CNOT2: variants seen among roughly 807,000 people sequenced by gnomAD.
The protein encoded by CNOT2 is CCR4-NOT transcription complex subunit 2, also known as CC chemokine receptor 4-negative regulator of transcription 2.
In CNOT2, 7 loss-of-function variants were observed where a neutral mutation model predicts 72.1. The observed-to-expected ratio is 0.10, with a 90% CI of 0.06 to 0.18. The LOEUF is 0.18. Ranked by LOEUF, CNOT2 falls within the 10% of genes least tolerant of loss-of-function variation. CNOT2 has a pLI of 1.00. For synonymous variants in CNOT2, 196 were observed against 225.6 expected, an observed-to-expected ratio of 0.87 and a Z score of 1.17; for missense variants, 345 against 660.3, an observed-to-expected ratio of 0.52 and a Z score of 5.23.
intron 4 of CNOT2, among the ~76,000 whole-genome samples, chr12:70,326,044 ATTC>A (rs35928021): frequency 0.12 from 17,923 of 151,822 alleles, 1,400 homozygotes; most frequent in Non-Finnish European, 0.18. Flanking sequence ...CTTAGATCAT[ATTC>A]TTTAAGGGTT....
intron 1 of CNOT2, among the ~76,000 whole-genome samples, chr12:70,250,163 G>A (rs1958071749): frequency 6.6e-6 from 1 of 152,126 alleles, no homozygotes; most frequent in Admixed American, 6.5e-5. Context: ...GTAATCCAAT[G>A]CTTAAATGAA....
At chr12:70,344,413 T>C (rs1881904090) in intron 14 of CNOT2, 185 bp downstream of exon 14, 5 of 506,682 alleles carry the variant, frequency 9.9e-6, no homozygotes, top group African/African-American at 6.0e-5. Context: ...TCATAATCTA[T>C]ATACCTAAAA....
chr12:70,243,515 C>G (rs917154642), intron 1 of CNOT2, 35 bp downstream of exon 1: 7 of 152,394 alleles, frequency 4.6e-5, no homozygotes, highest in African/African-American at 1.7e-4. Flanking sequence ...AGTCTGGCAG[C>G]GGGGCGCGCG....
At chr12:70,324,750 A>G (rs921146434) in intron 4 of CNOT2, among the ~76,000 whole-genome samples, 8 of 151,852 alleles carry the variant, frequency 5.3e-5, no homozygotes, top group African/African-American at 1.9e-4. Flanking sequence ...TTCTTGTCTT[A>G]TACATTCTTA....
At chr12:70,304,050 C>T (rs1593181057) in intron 2 of CNOT2, among the ~76,000 whole-genome samples, 1 of 152,196 alleles carries the variant, frequency 6.6e-6, no homozygotes, top group African/African-American at 2.4e-5. Flanking sequence ...GTTTTCAGCT[C>T]CATCAGGTCC....
At chr12:70,286,162 G>A (rs1429835364) in intron 2 of CNOT2, among the ~76,000 whole-genome samples, 4 of 145,450 alleles carry the variant, frequency 2.8e-5, no homozygotes, top group Non-Finnish European at 6.1e-5. Flanking sequence ...TGACGTTAGA[G>A]AAGTTTATCT....
At chr12:70,311,610 T>C (rs542911376) in intron 3 of CNOT2, among the ~76,000 whole-genome samples, 16 of 152,126 alleles carry the variant, frequency 1.1e-4, no homozygotes, top group African/African-American at 3.4e-4. Context: ...GATAAAAGGA[T>C]TTAGAATGCA....
chr12:70,338,316 A>G, intron 9 of CNOT2, 127 bp from the exon 10 acceptor site: 1 of 768,910 alleles, frequency 1.3e-6, no homozygotes, highest in Non-Finnish European at 2.0e-6. Context: ...ATAGAACTTG[A>G]AAAACAGGTA....
intron 1 of CNOT2, among the ~76,000 whole-genome samples, chr12:70,265,048 G>A (rs1524245): frequency 0.14 from 21,907 of 151,704 alleles, 1,918 homozygotes; most frequent in Admixed American, 0.28. Flanking sequence ...CTAATATTTT[G>A]TTGAGAATTT....
At chr12:70,248,750 T>A (rs900208702) in intron 1 of CNOT2, among the ~76,000 whole-genome samples, 9 of 152,090 alleles carry the variant, frequency 5.9e-5, no homozygotes, top group Non-Finnish European at 1.3e-4. Context: ...CTGTATATGT[T>A]CCAGAGACCT....
intron 1 of CNOT2, among the ~76,000 whole-genome samples, chr12:70,251,804 A>G (rs566881464): frequency 6.0e-4 from 92 of 152,328 alleles, no homozygotes; most frequent in Non-Finnish European, 2.8e-4. Context: ...ATGAATGCCA[A>G]CTGTTCAAGA....
intron 1 of CNOT2, among the ~76,000 whole-genome samples, chr12:70,265,945 C>G (rs1326720291): frequency 6.7e-6 from 1 of 149,596 alleles, no homozygotes; most frequent in Admixed American, 6.6e-5. Context: ...TCTCATGTCA[C>G]TTTTTAGTGT....
At chr12:70,308,584 T>TCTCTCTCTCTCTCTCTCA (rs550679130) in intron 2 of CNOT2, among the ~76,000 whole-genome samples, 16 of 133,328 alleles carry the variant, frequency 1.2e-4, no homozygotes, top group African/African-American at 4.5e-4. Flanking sequence ...TCTCTCTCTC[T>TCTCTCTCTCTCTCTCTCA]CACACACACA....
intron 15 of CNOT2, among the ~76,000 whole-genome samples, chr12:70,352,769 T>A (rs1353220187): frequency 6.6e-6 from 1 of 152,214 alleles, no homozygotes; most frequent in Non-Finnish European, 1.5e-5. Context: ...TTTTCTAATA[T>A]ACATAGCTAT....
At chr12:70,245,030 A>G (rs1593007759) in intron 1 of CNOT2, among the ~76,000 whole-genome samples, 1 of 152,206 alleles carries the variant, frequency 6.6e-6, no homozygotes, top group Non-Finnish European at 1.5e-5. Flanking sequence ...ATAATTGACA[A>G]CAGTTCTTTC....
At chr12:70,244,657 T>C (rs1329889894) in intron 1 of CNOT2, among the ~76,000 whole-genome samples, 1 of 152,188 alleles carries the variant, frequency 6.6e-6, no homozygotes, top group African/African-American at 2.4e-5. Flanking sequence ...GTGCAACATA[T>C]TTTGTTTCAT....
intron 2 of CNOT2, among the ~76,000 whole-genome samples, chr12:70,290,275 G>A (rs531267379): frequency 6.6e-6 from 1 of 150,490 alleles, no homozygotes; most frequent in South Asian, 2.1e-4. Context: ...CCATGCATGT[G>A]CTAATCAGTA....
In CNOT2 at chr12:70,343,333, G is replaced by A. The variant is rs74101498; in HGVS notation, c.1291-795G>A. Among the ~76,000 whole-genome samples, 1,242 of 152,238 alleles carry A rather than the reference G, an allele frequency of 8.2e-3. 15 individuals are homozygous for A. The highest frequency in any genetic ancestry group is 0.029 in the African/African-American group (1,196 of 41,542). ...GTATTTCGATATAGGATCAAATAACGAGATAAAAATGTTGTTTTGGGACAC... is the reference window on the plus strand; with the variant it reads ...GTATTTCGATATAGGATCAAATAACAAGATAAAAATGTTGTTTTGGGACAC... On this transcript the variant is annotated intron_variant, in intron 13 of 15. Transcript: ENST00000229195.
chr12:70,271,102 TTC>T (rs1262248315), intron 1 of CNOT2, among the ~76,000 whole-genome samples: 3 of 152,184 alleles, frequency 2.0e-5, no homozygotes, highest in African/African-American at 7.2e-5. Context: ...GTCAGATTCT[TTC>T]TGTTTGTTCT....
Sources: allele counts gnomAD v4.1 joint callset (sites outside exome capture counted in the v4.1 genomes callset), GRCh38; gene constraint gnomAD v4.1.1; transcripts MANE v1.5; gene names NCBI Gene and HGNC (gene_info 2026-07-23, HGNC 2026-07-21).